The following SMARCC1 variants were observed in gnomAD, a reference collection of about 807,000 sequenced individuals.
SMARCC1 encodes the protein SWI/SNF related BAF chromatin remodeling complex subunit C1.
Under a neutral mutation model 147.4 loss-of-function variants are expected in SMARCC1, and 43 were observed. The ratio of observed to expected loss-of-function variants is 0.29; its 90% CI spans 0.23 to 0.38. The LOEUF (loss-of-function observed/expected upper bound fraction) is 0.38, where lower values mean the gene tolerates loss of function less well. Among genes scored for constraint, SMARCC1 ranks in the 10% least tolerant of loss-of-function variants. SMARCC1 has a pLI of 1.00. For synonymous variants in SMARCC1, 495 were observed against 484.4 expected (o/e 1.02, Z -0.29); for missense variants, 1,119 against 1,381.1 (o/e 0.81, Z 3.01).
intron 21 of SMARCC1, among the ~76,000 whole-genome samples, chr3:47,656,192 C>T (rs2033259726): frequency 6.6e-6 from 1 of 152,066 alleles, no homozygotes; most frequent in South Asian, 2.1e-4. Flanking sequence ...GCCTGGGTGA[C>T]AGAGGAAGAC....
Position 47,772,943 on chromosome 3 carries a change from G to A in SMARCC1, c.196-7C>T. ...GAGCATCCGCATGAACATACTGCAAGATAAAGACAGGCATTCAAAAACTAG... is the reference window on the plus strand; with the variant it reads ...GAGCATCCGCATGAACATACTGCAAAATAAAGACAGGCATTCAAAAACTAG... On this transcript the variant is annotated splice_polypyrimidine_tract_variant and splice_region_variant and intron_variant, in intron 1 of 27. Coordinates refer to ENST00000254480, the MANE Select transcript of SMARCC1 (RefSeq NM_003074.4). The A allele has an allele frequency of 6.2e-7, 1 of 1,607,934 alleles. No individual in the cohort carries two copies. Among genetic ancestry groups the A allele is most frequent in the Non-Finnish European group, 8.5e-7 (1 of 1,176,728 alleles).
chr3:47,697,726 G>A (rs1468900748), intron 11 of SMARCC1, among the ~76,000 whole-genome samples: 1 of 151,858 alleles, frequency 6.6e-6, no homozygotes, highest in East Asian at 1.9e-4. Flanking sequence ...ATCAATATCT[G>A]GACGGGCACA....
chr3:47,746,674 G>T (rs1449970164), intron 2 of SMARCC1, among the ~76,000 whole-genome samples: 1 of 148,400 alleles, frequency 6.7e-6, no homozygotes, highest in East Asian at 2.0e-4. Context: ...TCTGTCAAAA[G>T]AAAGATTTTA....
chr3:47,653,123 A>G (rs1263505286), intron 21 of SMARCC1, among the ~76,000 whole-genome samples: 1 of 151,782 alleles, frequency 6.6e-6, no homozygotes, highest in Non-Finnish European at 1.5e-5. Context: ...GCGCCCGGCT[A>G]ATTTTTTGTA....
At chr3:47,663,326 T>C (rs1005314336) in intron 19 of SMARCC1, among the ~76,000 whole-genome samples, 6 of 150,352 alleles carry the variant, frequency 4.0e-5, no homozygotes, top group Non-Finnish European at 1.5e-5. Flanking sequence ...AAGGAAGCTA[T>C]AAAAAAAAGT....
At chr3:47,649,176 T>C (rs1173769190) in intron 21 of SMARCC1, among the ~76,000 whole-genome samples, 1 of 152,244 alleles carries the variant, frequency 6.6e-6, no homozygotes, top group Admixed American at 6.5e-5. Context: ...GATGTAAGTC[T>C]GATGATCAAA....
intron 6 of SMARCC1, among the ~76,000 whole-genome samples, chr3:47,727,055 C>CA (rs1388022222): frequency 1.3e-5 from 2 of 151,064 alleles, no homozygotes; most frequent in Non-Finnish European, 3.0e-5. Flanking sequence ...GCTAAAAATA[C>CA]AAAAAAAATT....
intron 21 of SMARCC1, among the ~76,000 whole-genome samples, chr3:47,654,753 T>A (rs1009436444): frequency 1.3e-5 from 2 of 152,116 alleles, no homozygotes; most frequent in Admixed American, 1.3e-4. Context: ...AACAACCCAC[T>A]CTGAGGCGAA....
intron 26 of SMARCC1, among the ~76,000 whole-genome samples, chr3:47,599,782 C>G (rs1016106466): frequency 2.6e-5 from 4 of 152,194 alleles, no homozygotes; most frequent in African/African-American, 7.2e-5. Flanking sequence ...CTTTCTGAAC[C>G]CGCAATTCAG....
chr3:47,627,112 T>C (rs1215786679), intron 24 of SMARCC1, among the ~76,000 whole-genome samples: 3 of 152,210 alleles, frequency 2.0e-5, no homozygotes, highest in African/African-American at 7.2e-5. Context: ...TGTAAAATAA[T>C]TTGGTATCTG....
intron 18 of SMARCC1, 77 bp from the exon 19 acceptor site, chr3:47,670,794 C>T: frequency 1.1e-6 from 1 of 873,328 alleles, no homozygotes; most frequent in Admixed American, 1.7e-5. Flanking sequence ...CCTTTCCAAG[C>T]TCAGGGGACT....
chr3:47,690,579 TGCAGTGATACAAAGCATTG>T (rs1393666866), intron 12 of SMARCC1, among the ~76,000 whole-genome samples: 3 of 152,214 alleles, frequency 2.0e-5, no homozygotes, highest in Non-Finnish European at 2.9e-5. Flanking sequence ...AACAGCCAAG[TGCAGTGATACAAAGCATTG>T]GCAGGAAAGT....
At position 47,780,168 on chromosome 3, in the gene SMARCC1, G is replaced by GTTTTTTTTT. The variant is rs10662354; in HGVS notation, c.195+1426_195+1434dup. On this transcript the variant is annotated intron_variant, in intron 1 of 27. Coordinates refer to ENST00000254480, the MANE Select transcript of SMARCC1 (RefSeq NM_003074.4). ...ATTTCTGGGTCTTTGGTTTTTTTTTGTTTTTTTTTTTTTTTTTTTTTTGGA... is the reference window on the plus strand; with the variant it reads ...ATTTCTGGGTCTTTGGTTTTTTTTTGTTTTTTTTTTTTTTTTTTTTTTTTTTTTTTTGGA... Among the ~76,000 whole-genome samples, 19 of 61,878 alleles carry GTTTTTTTTT rather than the reference G, an allele frequency of 3.1e-4. 2 individuals are homozygous for GTTTTTTTTT. The highest frequency in any genetic ancestry group is 9.9e-4 in the Admixed American group (4 of 4,028). The allele number at this position is 61,878 out of a possible 152,430, so 40.6% of individuals were successfully genotyped here.
intron 15 of SMARCC1, among the ~76,000 whole-genome samples, chr3:47,679,261 G>C (rs2033610554): frequency 6.6e-6 from 1 of 151,954 alleles, no homozygotes; most frequent in South Asian, 2.1e-4. Context: ...TAATACATGG[G>C]AGGGTATGTA....
chr3:47,611,179 AAAG>A (rs1223341073), intron 25 of SMARCC1, among the ~76,000 whole-genome samples: 1 of 152,242 alleles, frequency 6.6e-6, no homozygotes, highest in Non-Finnish European at 1.5e-5. Flanking sequence ...CAGATCTCTG[AAAG>A]TAGTATAAAA....
At chr3:47,618,482 T>C (rs1385690963) in intron 25 of SMARCC1, among the ~76,000 whole-genome samples, 1 of 151,770 alleles carries the variant, frequency 6.6e-6, no homozygotes, top group Non-Finnish European at 1.5e-5. Context: ...CAGGAGTTTG[T>C]GGCTGCAGTG....
At chr3:47,762,963 G>A (rs1226476765) in intron 2 of SMARCC1, among the ~76,000 whole-genome samples, 2 of 151,972 alleles carry the variant, frequency 1.3e-5, no homozygotes, top group Non-Finnish European at 2.9e-5. Flanking sequence ...CTACTCGGGA[G>A]GCTGAGGCAG....
intron 6 of SMARCC1, among the ~76,000 whole-genome samples, chr3:47,725,282 AAG>A (rs1360580462): frequency 1.3e-5 from 2 of 152,018 alleles, no homozygotes; most frequent in Non-Finnish European, 2.9e-5. Context: ...TCTATACAGC[AAG>A]AGAGTAGACT....
chr3:47,758,595 C>T (rs182684943), intron 2 of SMARCC1, among the ~76,000 whole-genome samples: 32 of 152,230 alleles, frequency 2.1e-4, no homozygotes, highest in East Asian at 9.6e-4. Context: ...CATATACATA[C>T]ACTCATTTAC....
Sources: gnomAD v4.1 joint callset for allele counts (sites outside exome capture counted in the v4.1 genomes callset) on GRCh38, gnomAD v4.1.1 for gene constraint, MANE v1.5 for transcripts, NCBI Gene and HGNC (gene_info 2026-07-23, HGNC 2026-07-21) for gene names.